Variants in ANKS1B observed in about 807,000 individuals in gnomAD.
The protein encoded by ANKS1B is ankyrin repeat and sterile alpha motif domain containing 1B, also known as ankyrin repeat and sterile alpha motif domain-containing protein 1B.
Under a neutral mutation model 148.3 loss-of-function variants are expected in ANKS1B, and 36 were observed. The observed-to-expected ratio is 0.24, with a 90% CI of 0.19 to 0.32. The LOEUF is 0.32. Ranked by LOEUF, ANKS1B falls within the 10% of genes least tolerant of loss-of-function variation. The pLI, the probability that ANKS1B is intolerant of heterozygous loss-of-function variation, is 1.00. For missense variants in ANKS1B, 1,157 were observed against 1,542.6 expected, an observed-to-expected ratio of 0.75 and a Z score of 4.19; for synonymous variants, 542 against 560.8, an observed-to-expected ratio of 0.97 and a Z score of 0.47.
At chr12:99,467,744 A>T (rs12300999) in intron 10 of ANKS1B, among the ~76,000 whole-genome samples, 7,271 of 152,230 alleles carry the variant, frequency 0.048, 600 homozygotes, top group African/African-American at 0.17. Context: ...GACATGAAGG[A>T]CCTCTTCAAG....
intron 17 of ANKS1B, among the ~76,000 whole-genome samples, chr12:98,911,597 G>A (rs572446539): frequency 2.2e-4 from 33 of 152,268 alleles, no homozygotes; most frequent in Middle Eastern, 6.8e-3. Flanking sequence ...CAGTGTCAGT[G>A]GGCCACTGGA....
chr12:99,463,847 C>T (rs1190228300), intron 10 of ANKS1B, among the ~76,000 whole-genome samples: 2 of 151,900 alleles, frequency 1.3e-5, no homozygotes, highest in African/African-American at 4.9e-5. Context: ...TCTGTAGGCT[C>T]CACCTCTGGG....
chr12:98,963,132 T>C (rs1022799465), intron 17 of ANKS1B, among the ~76,000 whole-genome samples: 7 of 151,520 alleles, frequency 4.6e-5, no homozygotes, highest in Non-Finnish European at 8.8e-5. Context: ...GAAAACAATA[T>C]GAAAGATCAA....
At chr12:99,434,935 G>A (rs1289231442) in intron 11 of ANKS1B, among the ~76,000 whole-genome samples, 1 of 151,838 alleles carries the variant, frequency 6.6e-6, no homozygotes, top group Admixed American at 6.6e-5. Flanking sequence ...TGGCAATGTG[G>A]GCACAAAGTA....
chr12:98,781,085 G>A, intron 24 of ANKS1B, 32 bp downstream of exon 24: 1 of 1,343,236 alleles, frequency 7.4e-7, no homozygotes, highest in Non-Finnish European at 1.0e-6. Context: ...ACTGCATCTG[G>A]TGTCTAAACC....
At chr12:99,563,693 A>G (rs1171856164) in intron 9 of ANKS1B, among the ~76,000 whole-genome samples, 2 of 152,204 alleles carry the variant, frequency 1.3e-5, no homozygotes, top group African/African-American at 4.8e-5. Flanking sequence ...TGTTGGAAAT[A>G]TGTCACCAAT....
At chr12:98,870,940 GATT>G (rs1350137996) in intron 17 of ANKS1B, among the ~76,000 whole-genome samples, 1 of 152,184 alleles carries the variant, frequency 6.6e-6, no homozygotes, top group East Asian at 1.9e-4. Flanking sequence ...TCATTCCTCT[GATT>G]ATTCAGACTG....
rs141003867 is a variant in ANKS1B at position 99,728,198 on chromosome 12, A to G, written c.1128+44724T>C. ...TCATCAGAGTGAACAGGCAACCTAC[A>G]GAATGGGAGAAAGTTTTTGCCATCT... On this transcript the variant is annotated intron_variant, in intron 8 of 26. Coordinates refer to ENST00000683438, the MANE Select transcript of ANKS1B (RefSeq NM_001352186.2). Among the ~76,000 whole-genome samples the G allele has an allele frequency of 3.6e-3, 546 of 152,340 alleles. 4 individuals carry two copies. Among genetic ancestry groups the G allele is most frequent in the African/African-American group, 0.012 (515 of 41,572 alleles).
rs148239376 is a variant in ANKS1B, at chr12:99,379,844, C to A, written c.1756+19787G>T. Among the ~76,000 whole-genome samples, 55 of 152,278 alleles carry A rather than the reference C, an allele frequency of 3.6e-4. No homozygotes were observed. The East Asian group carries it at 0.01, about 29-fold the overall frequency. The stretch of plus-strand genomic sequence containing the variant: ...CTGTATCTAATTTGATTGACTTTTT[C>A]TGTTTAATTAGTGAATATTATAATT... On this transcript the variant is annotated intron_variant, in intron 12 of 26. Transcript: ENST00000683438.
At chr12:99,893,164 A>T (rs2093203699) in intron 1 of ANKS1B, among the ~76,000 whole-genome samples, 2 of 152,104 alleles carry the variant, frequency 1.3e-5, no homozygotes, top group Admixed American at 1.3e-4. Context: ...TAATCCTAGC[A>T]CTTTGGGAGG....
At position 99,775,739 on chromosome 12, in the gene ANKS1B, G is replaced by T. The variant is rs1413528601; in HGVS notation, c.848-78C>A. On this transcript the variant is annotated intron_variant, in intron 6 of 26. Transcript: ENST00000683438. ...CAATAAATTTTAAGTTTTACTTCTGGTAATCAGTTTTTCATTTATTTTTTC... is the reference window on the plus strand; with the variant it reads ...CAATAAATTTTAAGTTTTACTTCTGTTAATCAGTTTTTCATTTATTTTTTC... The T allele has an allele frequency of 7.2e-6, 6 of 831,552 alleles. No individual in the cohort carries two copies. The African/African-American group carries it at 1.0e-4, about 14-fold the overall frequency. The allele number at this position is 831,552 out of a possible 1,614,324, so 51.5% of individuals were successfully genotyped here. A position where few individuals can be genotyped will look rare whatever the true frequency, so the allele number is the denominator to read the frequency against.
chr12:99,964,102 T>C (rs2095454268), intron 1 of ANKS1B, among the ~76,000 whole-genome samples: 1 of 152,134 alleles, frequency 6.6e-6, no homozygotes, highest in African/African-American at 2.4e-5. Context: ...GGAGGCCTAC[T>C]ACATGTCCAC....
chr12:98,778,559 A>G (rs1259806609), intron 24 of ANKS1B, among the ~76,000 whole-genome samples: 1 of 152,208 alleles, frequency 6.6e-6, no homozygotes, highest in Non-Finnish European at 1.5e-5. Flanking sequence ...GAGTTTATCA[A>G]TCTGCTCCTT....
chr12:98,909,935 G>A lies in ANKS1B; in HGVS notation c.2779-77799C>T, dbSNP rs866767038. On this transcript the variant is annotated intron_variant, in intron 17 of 26. Transcript: ENST00000683438. ...CTGATACAGCTCCATACCTCAGGGG[G>A]CCGGGAATCAGCTGCCAGCAGCCAA... 9.8e-5 allele frequency among the ~76,000 whole-genome samples: 15 copies of A among 152,314 alleles called. No individual in the cohort carries two copies. In the Middle Eastern group the frequency reaches 0.014, roughly 138 times the overall value.
At chr12:99,552,701 A>G (rs1316336921) in intron 9 of ANKS1B, among the ~76,000 whole-genome samples, 3 of 152,206 alleles carry the variant, frequency 2.0e-5, no homozygotes, top group Non-Finnish European at 2.9e-5. Flanking sequence ...TGGGGGATTG[A>G]TTCCAAGACA....
At chr12:99,107,160 G>A (rs1037108447) in intron 15 of ANKS1B, among the ~76,000 whole-genome samples, 3 of 151,850 alleles carry the variant, frequency 2.0e-5, no homozygotes, top group African/African-American at 7.2e-5. Flanking sequence ...ATATTAAGAT[G>A]TAATATAATT....
At chr12:98,900,620 A>G in intron 17 of ANKS1B, among the ~76,000 whole-genome samples, 1 of 152,360 alleles carries the variant, frequency 6.6e-6, no homozygotes, top group East Asian at 1.9e-4. Context: ...TAAAGCTCTG[A>G]TAATTTAGAG....
chr12:98,903,257 C>G (rs528703513), intron 17 of ANKS1B, among the ~76,000 whole-genome samples: 1 of 152,102 alleles, frequency 6.6e-6, no homozygotes, highest in Non-Finnish European at 1.5e-5. Flanking sequence ...TACCAATAGT[C>G]TGATTTGTTA....
At chr12:99,476,527 G>A (rs1484840236) in intron 10 of ANKS1B, among the ~76,000 whole-genome samples, 2 of 152,086 alleles carry the variant, frequency 1.3e-5, no homozygotes, top group Non-Finnish European at 2.9e-5. Flanking sequence ...TGATAAAATA[G>A]TATAAAATTG....
Sources: allele counts gnomAD v4.1 joint callset (sites outside exome capture counted in the v4.1 genomes callset), GRCh38; gene constraint gnomAD v4.1.1; transcripts MANE v1.5; gene names NCBI Gene and HGNC (gene_info 2026-07-23, HGNC 2026-07-21).